Variants in ECD observed in about 807,000 individuals in gnomAD.
ECD encodes the protein protein ecdysoneless homolog.
Under a neutral mutation model 77.2 loss-of-function variants are expected in ECD, and 59 were observed. That is an observed-to-expected ratio of 0.76 (90% CI 0.62 to 0.95). ECD has a LOEUF of 0.95. Ranked by LOEUF, ECD falls within the 40% of genes least tolerant of loss-of-function variation. The pLI, the probability that ECD is intolerant of heterozygous loss-of-function variation, is 0.00. For missense variants in ECD, 704 were observed against 763.4 expected, an observed-to-expected ratio of 0.92 and a Z score of 0.92; for synonymous variants, 233 against 267.4, an observed-to-expected ratio of 0.87 and a Z score of 1.26.
intron 6 of ECD, 48 bp from the exon 7 acceptor site, chr10:73,152,469 T>C (rs1843226071): frequency 6.3e-7 from 1 of 1,588,778 alleles, no homozygotes; most frequent in Admixed American, 1.7e-5. Context: ...GAAATTAAGA[T>C]TGTGAATAAC....
intron 5 of ECD, among the ~76,000 whole-genome samples, chr10:73,155,600 T>TC (rs1472939169): frequency 6.8e-6 from 1 of 147,594 alleles, no homozygotes; most frequent in East Asian, 2.0e-4. Context: ...TCTACTTTTT[T>TC]TTTTTTTTTT....
At chr10:73,149,323 T>C (rs930616736) in intron 7 of ECD, among the ~76,000 whole-genome samples, 1 of 147,594 alleles carries the variant, frequency 6.8e-6, no homozygotes, top group Non-Finnish European at 1.5e-5. Flanking sequence ...CCCCAACTTA[T>C]GATGGTTTGA....
At position 73,148,313 on chromosome 10, in the gene ECD, C is replaced by T; in HGVS notation, c.1004G>A (p.Ser335Asn). ...ATTCTTTTTCAGACTTTCAAGGAAA[C>T]TGGCCCAGAGTGGTGAGGCAGTCAC... ...SLVTASPLWASFLESLKKNDY... is the reference protein window; with the variant it reads ...SLVTASPLWANFLESLKKNDY... The change falls in exon 8 of 14, where the codon AGT (serine) becomes AAT (asparagine). Residue 335 changes from serine (S) to asparagine (N), a missense_variant. Ser to Asn is a conservative substitution (Grantham distance 46). Around this residue, in one of 3 missense-constraint regions of ECD, gnomAD observed 559 missense variants for 583.7 expected, o/e 0.96. Transcript: ENST00000372979. The T allele has an allele frequency of 1.2e-6, 2 of 1,613,630 alleles. No individual in the cohort carries two copies. Among genetic ancestry groups the T allele is most frequent in the Non-Finnish European group, 1.7e-6 (2 of 1,179,724 alleles).
chr10:73,153,777 T>C (rs1172075758), intron 6 of ECD, among the ~76,000 whole-genome samples: 1 of 127,412 alleles, frequency 7.8e-6, no homozygotes. Context: ...TAGAAACATA[T>C]GGTCAAAAAT....
intron 3 of ECD, among the ~76,000 whole-genome samples, chr10:73,157,370 A>G (rs1336241416): frequency 1.3e-5 from 2 of 151,664 alleles, no homozygotes; most frequent in Non-Finnish European, 2.9e-5. Flanking sequence ...TTTTAAATTT[A>G]ATTTTTTAAA....
At chr10:73,167,512 C>G (rs539321572) in intron 1 of ECD, among the ~76,000 whole-genome samples, 1 of 152,166 alleles carries the variant, frequency 6.6e-6, no homozygotes, top group South Asian at 2.1e-4. Flanking sequence ...CTCCATGATT[C>G]CAATCTTACT....
chr10:73,166,354 C>G (rs535352114), intron 1 of ECD, among the ~76,000 whole-genome samples: 129 of 152,292 alleles, frequency 8.5e-4, no homozygotes, highest in African/African-American at 2.9e-3. Context: ...AGTGGGACTG[C>G]TGGATCATAT....
Position 73,134,730 on chromosome 10 carries a change from T to G in ECD, c.1788A>C (p.Val596=), listed in dbSNP as rs15134. The change falls in exon 14 of 14, where the codon GTA becomes GTC. Residue 596 remains valine, a synonymous_variant. Transcript: ENST00000372979. ...TGESVMAPVD[V]DLNLVSNILE... ...ATATATTTGAAACCAGGTTCAGGTC[T>G]ACATCTACTGGTGCCATAACAGATT... is the stretch of plus-strand genomic sequence containing the variant. 1 of 1,614,196 alleles carries G rather than the reference T, an allele frequency of 6.2e-7. No individual in the cohort carries two copies. The highest frequency in any genetic ancestry group is 8.5e-7 in the Non-Finnish European group (1 of 1,180,032).
In ECD at chr10:73,167,914, C is replaced by T. The variant is rs1843513774; in HGVS notation, c.-62G>A. ...TCTCTGCTGTGGCACCTTTCCTTAGCCGCCTCTCCGACTGCGAGAGCTGAT... is the reference window on the plus strand; with the variant it reads ...TCTCTGCTGTGGCACCTTTCCTTAGTCGCCTCTCCGACTGCGAGAGCTGAT... On this transcript the variant is annotated 5_prime_UTR_variant, in exon 1 of 14. Coordinates refer to ENST00000372979, the MANE Select transcript of ECD (RefSeq NM_007265.3). 6 of 198,856 alleles carry T rather than the reference C, an allele frequency of 3.0e-5. No individual in the cohort carries two copies. The South Asian group carries it at 5.4e-4, about 18-fold the overall frequency. The allele number at this position is 198,856 out of a possible 1,614,324, so 12.3% of individuals were successfully genotyped here.
At chr10:73,145,608 T>G (rs1347473204) in intron 9 of ECD, among the ~76,000 whole-genome samples, 1 of 151,458 alleles carries the variant, frequency 6.6e-6, no homozygotes, top group African/African-American at 2.4e-5. Context: ...CAGTAAAAAA[T>G]AGTTGAGTAA....
chr10:73,152,793 T>G (rs1397690316), intron 6 of ECD, among the ~76,000 whole-genome samples: 1 of 151,818 alleles, frequency 6.6e-6, no homozygotes, highest in Non-Finnish European at 1.5e-5. Flanking sequence ...ACGCCTCTAA[T>G]CCCAGCTACT....
In ECD at chr10:73,148,406, T is replaced by C. The variant is rs773521140; in HGVS notation, c.913-2A>G. ...GCATAAGATCTCAAATCCATGAGCC[T>C]AGATGAGATAGGTAGAATTTTTGTT... On this transcript the variant is annotated splice_acceptor_variant, in intron 7 of 13. Transcript: ENST00000372979. LOFTEE classifies it high-confidence loss of function. 9.9e-6 allele frequency: 16 copies of C among 1,609,764 alleles called. No individual in the cohort carries two copies. The highest frequency in any genetic ancestry group is 1.4e-5 in the Non-Finnish European group (16 of 1,178,488).
intron 8 of ECD, among the ~76,000 whole-genome samples, chr10:73,147,507 G>A (rs1451160828): frequency 1.3e-5 from 2 of 151,396 alleles, no homozygotes; most frequent in African/African-American, 4.9e-5. Context: ...CCAAGATTGT[G>A]CCATTGCACT....
At chr10:73,142,826 T>G (rs759397451) in intron 9 of ECD, among the ~76,000 whole-genome samples, 5 of 152,144 alleles carry the variant, frequency 3.3e-5, no homozygotes, top group Non-Finnish European at 7.4e-5. Flanking sequence ...GTCCTTTTGC[T>G]GGAATGTTAT....
chr10:73,134,898 A>G, intron 13 of ECD, 85 bp from the exon 14 acceptor site: 1 of 1,184,518 alleles, frequency 8.4e-7, no homozygotes, highest in East Asian at 2.4e-5. Flanking sequence ...ACTAAGCCAC[A>G]ATGTAAATTT....
At chr10:73,145,198 T>C (rs1373519462) in intron 9 of ECD, among the ~76,000 whole-genome samples, 1 of 152,118 alleles carries the variant, frequency 6.6e-6, no homozygotes, top group Non-Finnish European at 1.5e-5. Context: ...ACCCCATCTC[T>C]ACTAAAAATA....
Position 73,139,641 on chromosome 10 carries a change from G to A in ECD, c.1224C>T (p.Pro408=). The stretch of plus-strand genomic sequence containing the variant: ...TGGTCCATCACTTACCATCCTCTGG[G>A]GGAAGATTAGCTGCTTCTTTCTTAA... ...EDLKKEAANL[P]PEDDDQWLDL... The change falls in exon 10 of 14, where the codon CCC becomes CCT. Residue 408 remains proline, a synonymous_variant. Transcript: ENST00000372979. The A allele has an allele frequency of 6.2e-7, 1 of 1,608,200 alleles. No homozygotes were observed. The highest frequency in any genetic ancestry group is 8.5e-7 in the Non-Finnish European group (1 of 1,178,100).
chr10:73,143,661 C>G (rs1402205527), intron 9 of ECD, among the ~76,000 whole-genome samples: 2 of 152,012 alleles, frequency 1.3e-5, no homozygotes, highest in African/African-American at 4.8e-5. Flanking sequence ...TCCATCCTCT[C>G]AAGCATTTAT....
At chr10:73,165,700 A>G (rs1281407741) in intron 1 of ECD, among the ~76,000 whole-genome samples, 1 of 152,008 alleles carries the variant, frequency 6.6e-6, no homozygotes. Flanking sequence ...CAGGTATACA[A>G]TGCATAATAA....
Sources: allele counts gnomAD v4.1 joint callset (sites outside exome capture counted in the v4.1 genomes callset), GRCh38; gene constraint gnomAD v4.1.1; regional missense constraint gnomAD v4.1.1; transcripts MANE v1.5; gene names NCBI Gene and HGNC (gene_info 2026-07-23, HGNC 2026-07-21).